The following ITGA3 variants were observed in gnomAD, a reference collection of about 807,000 sequenced individuals.
ITGA3 encodes the protein integrin subunit alpha 3, also known as integrin alpha-3.
A neutral mutation model predicts 131.1 loss-of-function variants in ITGA3; 70 were observed. The ratio of observed to expected loss-of-function variants is 0.53; its 90% CI spans 0.44 to 0.65. ITGA3 has a LOEUF of 0.65. Ranked by LOEUF, ITGA3 falls within the 30% of genes least tolerant of loss-of-function variation. The pLI, the probability that ITGA3 is intolerant of heterozygous loss-of-function variation, is 0.00. For synonymous variants in ITGA3, 537 were observed against 571.6 expected, an observed-to-expected ratio of 0.94 and a Z score of 0.86; for missense variants, 1,098 against 1,388.6, an observed-to-expected ratio of 0.79 and a Z score of 3.33.
Position 50,088,355 on chromosome 17 carries a change from C to G in ITGA3, c.*20C>G. 1 of 1,546,596 alleles carries G rather than the reference C, an allele frequency of 6.5e-7. No homozygotes were observed. The highest frequency in any genetic ancestry group is 8.8e-7 in the Non-Finnish European group (1 of 1,141,956). ...TACTGAGGGGGCAGCCCCCCGCCCC[C>G]GGCCCACCTGGGTAACACGGCCTCC... On this transcript the variant is annotated 3_prime_UTR_variant, in exon 25 of 26. Transcript: ENST00000320031.
chr17:50,079,407 G>A, intron 20 of ITGA3, 28 bp from the exon 21 acceptor site: 1 of 1,547,312 alleles, frequency 6.5e-7, no homozygotes, highest in Non-Finnish European at 8.7e-7. Context: ...CCTCTGCCCT[G>A]CCAGCAAATC....
intron 4 of ITGA3, among the ~76,000 whole-genome samples, chr17:50,070,190 A>G (rs1277517098): frequency 6.6e-6 from 1 of 152,212 alleles, no homozygotes; most frequent in Non-Finnish European, 1.5e-5. Context: ...CTCAGTGTCT[A>G]GAGAGTGGGG....
At chr17:50,079,876 G>A (rs1204544171) in intron 21 of ITGA3, among the ~76,000 whole-genome samples, 1 of 152,204 alleles carries the variant, frequency 6.6e-6, no homozygotes, top group Non-Finnish European at 1.5e-5. Context: ...AATGGTGGGT[G>A]GTGCGTGTGC....
chr17:50,076,781 G>GGACA, intron 14 of ITGA3, 100 bp downstream of exon 14: 1 of 1,250,662 alleles, frequency 8.0e-7, no homozygotes, highest in Non-Finnish European at 1.2e-6. Flanking sequence ...GCGAGCCCAG[G>GGACA]GACAGGGCTT....
rs771067444 is a variant in ITGA3, at chr17:50,075,518, G to A, written c.1529G>A (p.Arg510Gln). 14 of 1,614,110 alleles carry A rather than the reference G, an allele frequency of 8.7e-6. No homozygotes were observed. The Admixed American group carries it at 1.2e-4, about 13-fold the overall frequency. The change falls in exon 11 of 26, where the codon CGA (arginine) becomes CAA (glutamine). Residue 510 changes from arginine (R) to glutamine (Q), a missense_variant. By Grantham distance (43) the Arg-to-Gln change is conservative (BLOSUM62 1). Transcript: ENST00000320031. ...AGTGCCGGGAACCCCAACTACAGGCGAAACATCAGTGAGTGCTGGGGTGCA... is the reference window on the plus strand; with the variant it reads ...AGTGCCGGGAACCCCAACTACAGGCAAAACATCAGTGAGTGCTGGGGTGCA... Reference protein sequence around the residue: ...NQSAGNPNYRRNITLAYTLEA... With the variant: ...NQSAGNPNYRQNITLAYTLEA...
In ITGA3 at chr17:50,081,323, T is replaced by G; in HGVS notation, c.2834T>G (p.Phe945Cys). 1.3e-6 allele frequency: 2 copies of G among 1,587,702 alleles called. No individual in the cohort carries two copies. The highest frequency in any genetic ancestry group is 1.7e-6 in the Non-Finnish European group (2 of 1,165,224). ...CTCCCAATCCAGGATTACAGAGACT[T>G]TGACCGAGTCCGGGTAAATGGCTGG... is the stretch of plus-strand genomic sequence containing the variant. ...NSTFIEDYRD[F>C]DRVRVNGWAT... is the part of the protein sequence containing the mutation. Residue 945 changes from phenylalanine to cysteine, a missense_variant, in exon 23 of 26, where the codon TTT becomes TGT. By Grantham distance (205) the Phe-to-Cys change is radical. Coordinates refer to ENST00000320031, the MANE Select transcript of ITGA3 (RefSeq NM_002204.4).
chr17:50,064,725 GCA>G lies in ITGA3; in HGVS notation c.414+123_414+124del. 1.4e-6 allele frequency: 1 copy of G among 737,814 alleles called. No individual in the cohort carries two copies. The highest frequency in any genetic ancestry group is 2.2e-6 in the Non-Finnish European group (1 of 446,544). The allele number at this position is 737,814 out of a possible 1,614,324, so 45.7% of individuals were successfully genotyped here. ...CCACGGCGCGTGTGTGCTGGGGCCT[GCA>G]CACATGTCCCTTCCTGTGGCTGTGT... is the stretch of plus-strand genomic sequence containing the variant. On this transcript the variant is annotated intron_variant, in intron 3 of 25. Transcript: ENST00000320031. The surrounding 1 kb of genome is among the most constrained non-coding windows in gnomAD (Gnocchi z 4.4).
At chr17:50,061,124 C>T (rs1908056774) in intron 1 of ITGA3, among the ~76,000 whole-genome samples, 1 of 151,912 alleles carries the variant, frequency 6.6e-6, no homozygotes, top group Non-Finnish European at 1.5e-5. Flanking sequence ...GCTAAAAATA[C>T]TCTGGGGGGG....
chr17:50,059,704 G>A (rs1317242171), intron 1 of ITGA3, among the ~76,000 whole-genome samples: 1 of 152,198 alleles, frequency 6.6e-6, no homozygotes, highest in Non-Finnish European at 1.5e-5. Context: ...CAGCAGCGAA[G>A]GGGGCTTGGT....
chr17:50,057,350 C>A (rs754116668), intron 1 of ITGA3, among the ~76,000 whole-genome samples: 5 of 152,228 alleles, frequency 3.3e-5, no homozygotes, highest in Non-Finnish European at 7.3e-5. Flanking sequence ...GATCTTCAAC[C>A]CTGAGTGTGT....
At chr17:50,071,743 T>A (rs984377083) in intron 6 of ITGA3, 7 of 616,516 alleles carry the variant, frequency 1.1e-5, no homozygotes, top group Non-Finnish European at 2.0e-5. Context: ...CTCCAGTGGA[T>A]GTGGATTGTT....
Position 50,070,913 on chromosome 17 carries a change from A to T in ITGA3, c.734A>T (p.Gln245Leu). The T allele has an allele frequency of 6.2e-7, 1 of 1,606,196 alleles. No homozygotes were observed. Among genetic ancestry groups the T allele is most frequent in the Non-Finnish European group, 8.5e-7 (1 of 1,172,890 alleles). Residue 245 changes from glutamine (Q) to leucine (L), a missense_variant, in exon 5 of 26, where the codon CAA becomes CTA. Physicochemically the swap from Gln to Leu is moderately radical, Grantham distance 113. Transcript: ENST00000320031. ...TATAGTTACAAGGACCCAGAGGACC[A>T]AGGAAACCTCTATATTGGTGAGTAC... is the stretch of plus-strand genomic sequence containing the variant. ...SEYSYKDPED[Q>L]GNLYIGYTMQ... is the part of the protein sequence containing the mutation.
chr17:50,056,477 GC>G lies in ITGA3; in HGVS notation c.40del (p.Leu14Ter). 6.5e-7 allele frequency: 1 copy of G among 1,548,024 alleles called. No individual in the cohort carries two copies. The highest frequency in any genetic ancestry group is 8.7e-7 in the Non-Finnish European group (1 of 1,146,266). ...CCCAGCCGCGCGCCCCGCGCCCCAC[GC>G]CTGATGCTCTGTGCGCTCGCCTTGA... ...PGPSRAPRAP[R>X]LMLCALALMV... On this transcript the variant is annotated frameshift_variant, in exon 1 of 26. Transcript: ENST00000320031. LOFTEE classifies it high-confidence loss of function. This position sits in a 1 kb window ranked among gnomAD's most constrained non-coding sequence, Gnocchi z 5.6.
In ITGA3 at chr17:50,080,685, T is replaced by C. The variant is rs756847; in HGVS notation, c.2820+310T>C. Among the ~76,000 whole-genome samples the C allele has an allele frequency of 0.87, 132,307 of 151,924 alleles. 58,038 individuals are homozygous for C. The highest frequency in any genetic ancestry group is 0.91 in the Non-Finnish European group (62,200 of 67,984). ...TATCTCTGCGTGTAAACCCCTATTT[T>C]GTTTTCAAGGTCCCTGTCAGATGCT... On this transcript the variant is annotated intron_variant, in intron 22 of 25. Transcript: ENST00000320031.
In ITGA3 at chr17:50,078,102, T is replaced by C; in HGVS notation, c.2196T>C (p.Leu732=). 1 of 1,613,788 alleles carries C rather than the reference T, an allele frequency of 6.2e-7. No homozygotes were observed. Among genetic ancestry groups the C allele is most frequent in the South Asian group, 1.1e-5 (1 of 91,076 alleles). Residue 732 remains leucine (L), a synonymous_variant, in exon 17 of 26, where the codon CTT becomes CTC. Transcript: ENST00000320031. ...GGGTGACCCTGCACACAAGGGACCT[T>C]CAGGTGCAGCTGCAGCTCTCCACGT... ...VIGVTLHTRD[L]QVQLQLSTSS...
chr17:50,080,480 G>GTA, intron 22 of ITGA3, 105 bp downstream of exon 22: 2 of 591,780 alleles, frequency 3.4e-6, no homozygotes, highest in South Asian at 2.1e-5. Flanking sequence ...GTGTGTGTGT[G>GTA]TGTGTGTGTG....
chr17:50,071,909 T>A, intron 6 of ITGA3, 77 bp from the exon 7 acceptor site: 1 of 1,341,852 alleles, frequency 7.5e-7, no homozygotes, highest in South Asian at 1.4e-5. Context: ...CCTGGCACAG[T>A]CACACCTGTC....
chr17:50,066,437 G>A (rs1174429830), intron 3 of ITGA3, among the ~76,000 whole-genome samples: 4 of 151,388 alleles, frequency 2.6e-5, no homozygotes, highest in Admixed American at 1.3e-4. Context: ...CTCCTGCCTC[G>A]GCCTCCCAAG....
Position 50,076,416 on chromosome 17 carries a change from C to A in ITGA3, c.1765C>A (p.Arg589=). 1 of 1,612,100 alleles carries A rather than the reference C, an allele frequency of 6.2e-7. No homozygotes were observed. The part of the protein sequence containing the change: ...RMPDRPRLGL[R]SLDAYPILNQ... ...GCCCGATCGCCCCCGGCTGGGGCTG[C>A]GGTCCCTGGACGCCTACCCGATCCT... is the stretch of plus-strand genomic sequence containing the variant. The change falls in exon 13 of 26, where the codon CGG becomes AGG. Residue 589 remains arginine (R), a synonymous_variant. Coordinates refer to ENST00000320031, the MANE Select transcript of ITGA3 (RefSeq NM_002204.4).
Sources: allele counts gnomAD v4.1 joint callset (sites outside exome capture counted in the v4.1 genomes callset), GRCh38; gene constraint gnomAD v4.1.1; non-coding constraint Gnocchi (gnomAD v3.1); transcripts MANE v1.5; gene names NCBI Gene and HGNC (gene_info 2026-07-23, HGNC 2026-07-21).